PPARGC1A: variants seen among roughly 807,000 people sequenced by gnomAD.
PPARGC1A encodes peroxisome proliferator-activated receptor gamma coactivator 1-alpha.
A neutral mutation model predicts 88.7 loss-of-function variants in PPARGC1A; 25 were observed. That is an observed-to-expected ratio of 0.28 (90% confidence interval 0.21 to 0.39). The LOEUF (loss-of-function observed/expected upper bound fraction) is 0.39. Ranked by LOEUF, PPARGC1A falls within the 10% of genes least tolerant of loss-of-function variation. The pLI, the probability that PPARGC1A is intolerant of heterozygous loss-of-function variation, is 1.00. For synonymous variants in PPARGC1A, 363 were observed against 355.6 expected (o/e 1.02, Z -0.24); for missense variants, 880 against 968.7 (o/e 0.91, Z 1.22).
chr4:24,106,090 C>T, the PPARGC1A span, among the ~76,000 whole-genome samples: 1 of 152,184 alleles, frequency 6.6e-6, no homozygotes, highest in Non-Finnish European at 1.5e-5. Flanking sequence ...ATCAGCACTT[C>T]CATTCGTTTC....
the PPARGC1A span, among the ~76,000 whole-genome samples, chr4:24,372,518 T>C: frequency 6.6e-6 from 1 of 152,202 alleles, no homozygotes; most frequent in Non-Finnish European, 1.5e-5. Context: ...GCTGGTGGCC[T>C]TTTCTCGTTT....
At chr4:24,111,801 G>T in the PPARGC1A span, among the ~76,000 whole-genome samples, 3 of 152,084 alleles carry the variant, frequency 2.0e-5, no homozygotes, top group Admixed American at 2.0e-4. Flanking sequence ...CTTCTAAAAC[G>T]GCTCCCAGTG....
chr4:24,152,607 C>T, the PPARGC1A span, among the ~76,000 whole-genome samples: 3 of 152,032 alleles, frequency 2.0e-5, no homozygotes, highest in South Asian at 2.1e-4. Context: ...AATAGTTTGC[C>T]GCTTATTATT....
chr4:24,237,081 CT>C, the PPARGC1A span, among the ~76,000 whole-genome samples: 2 of 152,100 alleles, frequency 1.3e-5, no homozygotes, highest in African/African-American at 2.4e-5. Flanking sequence ...TTCATGAAGC[CT>C]TTTGTAGCTT....
chr4:24,310,655 A>G, the PPARGC1A span, among the ~76,000 whole-genome samples: 97 of 152,346 alleles, frequency 6.4e-4, no homozygotes, highest in African/African-American at 2.2e-3. Context: ...TGTGAGTTCA[A>G]CTGAGTTAAT....
intron 2 of PPARGC1A, 140 bp from the exon 3 acceptor site, chr4:23,831,891 C>G (rs1725074239): frequency 1.5e-6 from 1 of 675,186 alleles, no homozygotes; most frequent in Admixed American, 2.6e-5. Context: ...TCATGTCTTT[C>G]TCAAACTCCA....
At chr4:23,828,700 T>C in intron 4 of PPARGC1A, 96 bp from the exon 5 acceptor site, 1 of 1,126,862 alleles carries the variant, frequency 8.9e-7, no homozygotes, top group Non-Finnish European at 1.3e-6. Context: ...TTCAATGAAG[T>C]GTTCAGTCTA....
chr4:24,240,066 T>C, the PPARGC1A span, among the ~76,000 whole-genome samples: 1 of 152,280 alleles, frequency 6.6e-6, no homozygotes, highest in South Asian at 2.1e-4. Context: ...CAAAAATGCT[T>C]TGTATAAATG....
chr4:24,097,116 G>A, the PPARGC1A span, among the ~76,000 whole-genome samples: 1 of 152,128 alleles, frequency 6.6e-6, no homozygotes, highest in African/African-American at 2.4e-5. Context: ...GGGAGGGAAG[G>A]TGGTTAAGAC....
the PPARGC1A span, among the ~76,000 whole-genome samples, chr4:24,145,683 C>T: frequency 3.3e-5 from 5 of 152,302 alleles, no homozygotes; most frequent in East Asian, 1.9e-4. Flanking sequence ...AATAATACCA[C>T]GTTCGACTTA....
At chr4:24,394,455 T>A in the PPARGC1A span, among the ~76,000 whole-genome samples, 1 of 152,180 alleles carries the variant, frequency 6.6e-6, no homozygotes, top group African/African-American at 2.4e-5. Flanking sequence ...CTTGAGGTGC[T>A]AAGAAGTCAT....
the PPARGC1A span, among the ~76,000 whole-genome samples, chr4:24,289,219 C>CA: frequency 0.061 from 5,027 of 82,570 alleles, 374 homozygotes; most frequent in Non-Finnish European, 0.1. Context: ...GACTCCGTCT[C>CA]AAAAAAAAAA....
the PPARGC1A span, among the ~76,000 whole-genome samples, chr4:24,467,008 G>GAGAGAGAA: frequency 1.6e-5 from 2 of 128,838 alleles, no homozygotes; most frequent in South Asian, 2.7e-4. Context: ...GAAGGAAGGG[G>GAGAGAGAA]AGAAAGAAAG....
chr4:23,943,298 C>T, the PPARGC1A span, among the ~76,000 whole-genome samples: 1 of 151,812 alleles, frequency 6.6e-6, no homozygotes, highest in Admixed American at 6.6e-5. Flanking sequence ...CACAACAGTC[C>T]TTTGGTTTAA....
chr4:24,333,429 C>G, the PPARGC1A span, among the ~76,000 whole-genome samples: 2 of 152,220 alleles, frequency 1.3e-5, no homozygotes, highest in African/African-American at 4.8e-5. Context: ...TCCAAATACT[C>G]AATCTGCAAA....
chr4:23,850,071 T>C (rs1729011231), intron 2 of PPARGC1A, among the ~76,000 whole-genome samples: 1 of 152,172 alleles, frequency 6.6e-6, no homozygotes, highest in Non-Finnish European at 1.5e-5. Context: ...TTTTCGCTTT[T>C]TGATGGAAAT....
the PPARGC1A span, among the ~76,000 whole-genome samples, chr4:23,909,711 C>T: frequency 0.011 from 1,705 of 151,822 alleles, 54 homozygotes; most frequent in South Asian, 0.11. Context: ...TGGGCCAAGA[C>T]CCTGAATGTC....
intron 2 of PPARGC1A, among the ~76,000 whole-genome samples, chr4:23,860,830 G>A (rs1731118675): frequency 1.3e-5 from 2 of 152,180 alleles, no homozygotes; most frequent in African/African-American, 2.4e-5. Flanking sequence ...GTGGTGAATG[G>A]AGAGAATTGG....
chr4:24,208,639 G>T, the PPARGC1A span, among the ~76,000 whole-genome samples: 6 of 142,504 alleles, frequency 4.2e-5, no homozygotes, highest in African/African-American at 7.8e-5. Context: ...TCTGGTCCCT[G>T]CTTCATGGAA....
Sources: allele counts gnomAD v4.1 joint callset (sites outside exome capture counted in the v4.1 genomes callset), GRCh38; gene constraint gnomAD v4.1.1; transcripts MANE v1.5; gene names NCBI Gene and HGNC (gene_info 2026-07-23, HGNC 2026-07-21).